MDGA1: variants seen among roughly 807,000 people sequenced by gnomAD.
MDGA1 encodes MAM domain containing glycosylphosphatidylinositol anchor 1.
MDGA1 carries 54 observed loss-of-function variants against 101.5 expected under a neutral mutation model. The observed-to-expected ratio is 0.53, with a 90% confidence interval of 0.43 to 0.67. The LOEUF is 0.67. MDGA1 is among the 30% of genes least tolerant of loss of function. The pLI is 0.00. For missense variants in MDGA1, 1,083 were observed against 1,323.8 expected (o/e 0.82, Z 2.82); for synonymous variants, 533 against 558.3 (o/e 0.95, Z 0.64).
In MDGA1 at chr6:37,656,978, C is replaced by T. The variant is rs138077808; in HGVS notation, c.383-1082G>A. Among the ~76,000 whole-genome samples the T allele has an allele frequency of 6.5e-4, 99 of 152,112 alleles. No individual in the cohort carries two copies. The East Asian group carries it at 0.018, about 28-fold the overall frequency. On this transcript the variant is annotated intron_variant, in intron 3 of 16. Transcript: ENST00000434837. ...AGAGCTCATTGATAGTGTCAAAAGT[C>T]AGAACAATGATTGCCTCCCAGGGGG...
intron 1 of MDGA1, among the ~76,000 whole-genome samples, chr6:37,672,744 T>C (rs1045131496): frequency 6.6e-6 from 1 of 152,168 alleles, no homozygotes; most frequent in Non-Finnish European, 1.5e-5. Flanking sequence ...CAGACAGTCA[T>C]TCAACAAGCC....
intron 2 of MDGA1, among the ~76,000 whole-genome samples, chr6:37,660,028 ATCTC>A (rs138953703): frequency 0.069 from 7,237 of 105,308 alleles, 341 homozygotes; most frequent in African/African-American, 0.14. Flanking sequence ...CTCAGTCTTT[ATCTC>A]TCTCTTTTTT....
At chr6:37,674,632 C>T (rs1056941055) in intron 1 of MDGA1, among the ~76,000 whole-genome samples, 2 of 152,222 alleles carry the variant, frequency 1.3e-5, no homozygotes, top group Non-Finnish European at 2.9e-5. Flanking sequence ...CTAATCTGCA[C>T]ACCCACTTAT....
chr6:37,684,518 G>T (rs1762158055), intron 1 of MDGA1, among the ~76,000 whole-genome samples: 1 of 152,212 alleles, frequency 6.6e-6, no homozygotes, highest in Non-Finnish European at 1.5e-5. Flanking sequence ...AGCCTGGGAG[G>T]TGACACAGGA....
rs142376852 is a variant in MDGA1, at chr6:37,635,306, C to T, written c.*2062G>A. ...ACACCAGGCTCACTTGTGCTGGGCA[C>T]GAGCGGGAGGTGGCGAAGGTGGAGG... On this transcript the variant is annotated 3_prime_UTR_variant, in exon 17 of 17. Transcript: ENST00000434837. 1.0e-5 allele frequency: 4 copies of T among 397,180 alleles called. No homozygotes were observed. Among genetic ancestry groups the T allele is most frequent in the East Asian group, 7.1e-5 (2 of 28,042 alleles). 24.6% of individuals were successfully genotyped at this position (397,180 alleles called of 1,614,324 possible).
intron 10 of MDGA1, 34 bp downstream of exon 10, chr6:37,647,139 C>T: frequency 6.4e-7 from 1 of 1,558,692 alleles, no homozygotes; most frequent in South Asian, 1.3e-5. Flanking sequence ...CCACACTCCA[C>T]CTGCCCCCAG....
chr6:37,668,501 C>T (rs569376208), intron 1 of MDGA1, among the ~76,000 whole-genome samples: 2 of 152,202 alleles, frequency 1.3e-5, no homozygotes, highest in South Asian at 2.1e-4. Context: ...ACAAGAACAA[C>T]CTATGTGTCA....
Position 37,696,922 on chromosome 6 carries a change from T to TGA in MDGA1, c.-113_-112dup. 1 of 878,030 alleles carries TGA rather than the reference T, an allele frequency of 1.1e-6. No homozygotes were observed. Among genetic ancestry groups the TGA allele is most frequent in the South Asian group, 1.4e-5 (1 of 69,714 alleles). The allele number at this position is 878,030 out of a possible 1,614,324, so 54.4% of individuals were successfully genotyped here. On this transcript the variant is annotated 5_prime_UTR_variant, in exon 1 of 17. Transcript: ENST00000434837. This position sits in a 1 kb window ranked among gnomAD's most constrained non-coding sequence, Gnocchi z 5.6. Reference sequence around the variant, plus strand: ...TATGTCCCCCCCTTTCCCTGAGAGGTGAGAGAGAGAGCGGCGACGAAGACC... The same window carrying TGA: ...TATGTCCCCCCCTTTCCCTGAGAGGTGAGAGAGAGAGAGCGGCGACGAAGACC...
At position 37,635,539 on chromosome 6, in the gene MDGA1, C is replaced by A; in HGVS notation, c.*1829G>T. 2.5e-6 allele frequency: 1 copy of A among 398,676 alleles called. No individual in the cohort carries two copies. Among genetic ancestry groups the A allele is most frequent in the Non-Finnish European group, 4.4e-6 (1 of 226,084 alleles). The allele number at this position is 398,676 out of a possible 1,614,324, so 24.7% of individuals were successfully genotyped here. A position where few individuals can be genotyped will look rare whatever the true frequency, so the allele number is the denominator to read the frequency against. On this transcript the variant is annotated 3_prime_UTR_variant, in exon 17 of 17. Transcript: ENST00000434837. ...ATCAGAAGGCCCCGCTGCATCCTGGCCCGGCCACCCACCAGCTGTTGGTGA... is the reference window on the plus strand; with the variant it reads ...ATCAGAAGGCCCCGCTGCATCCTGGACCGGCCACCCACCAGCTGTTGGTGA...
chr6:37,668,762 C>A (rs748638206), intron 1 of MDGA1, among the ~76,000 whole-genome samples: 3 of 152,200 alleles, frequency 2.0e-5, no homozygotes, highest in Non-Finnish European at 4.4e-5. Flanking sequence ...GTAACAGAGG[C>A]CTAACACCGA....
At position 37,648,624 on chromosome 6, in the gene MDGA1, G is replaced by T. The variant is rs575137860; in HGVS notation, c.1894+358C>A. ...GGAAGGCTATGTTTGAAAGCGGCGC[G>T]GTTGTCACACGCCCAGGAAGCGGGC... On this transcript the variant is annotated intron_variant, in intron 9 of 16. Transcript: ENST00000434837. 43 of 340,158 alleles carry T rather than the reference G, an allele frequency of 1.3e-4. 1 individual carries two copies. The South Asian group carries it at 2.7e-3, about 21-fold the overall frequency. 21.1% of individuals were successfully genotyped at this position (340,158 alleles called of 1,614,324 possible).
chr6:37,677,741 G>A (rs1363401056), intron 1 of MDGA1, among the ~76,000 whole-genome samples: 1 of 152,208 alleles, frequency 6.6e-6, no homozygotes, highest in Admixed American at 6.5e-5. Flanking sequence ...GCAAATCAAT[G>A]TTGCAGCTTG....
At chr6:37,660,032 CTCTCT>C (rs983560754) in intron 2 of MDGA1, among the ~76,000 whole-genome samples, 7 of 68,306 alleles carry the variant, frequency 1.0e-4, no homozygotes, top group African/African-American at 1.3e-4. Context: ...GTCTTTATCT[CTCTCT>C]TTTTTTTTTT....
chr6:37,683,335 G>A (rs1218050344), intron 1 of MDGA1, among the ~76,000 whole-genome samples: 7 of 152,360 alleles, frequency 4.6e-5, no homozygotes, highest in African/African-American at 1.7e-4. Context: ...ATGGAGGCTT[G>A]TACATGCAGC....
At chr6:37,654,235 C>T in intron 6 of MDGA1, 39 bp downstream of exon 6, 2 of 1,509,434 alleles carry the variant, frequency 1.3e-6, no homozygotes, top group Non-Finnish European at 1.8e-6. Context: ...ACCTTGTCTG[C>T]CTCACAACTT....
chr6:37,691,986 C>A (rs1199693190), intron 1 of MDGA1, among the ~76,000 whole-genome samples: 5 of 152,232 alleles, frequency 3.3e-5, no homozygotes, highest in African/African-American at 1.2e-4. Flanking sequence ...GAGATTACAG[C>A]AAGTGCGGCT....
chr6:37,658,244 C>A lies in MDGA1; in HGVS notation c.382+1G>T. ...CGGGGAGAGAGGGGGCCTCAACTCACACTGCACGTCCACGCGGATGGACTT... is the reference window on the plus strand; with the variant it reads ...CGGGGAGAGAGGGGGCCTCAACTCAAACTGCACGTCCACGCGGATGGACTT... On this transcript the variant is annotated splice_donor_variant, in intron 3 of 16. Coordinates refer to ENST00000434837, the MANE Select transcript of MDGA1 (RefSeq NM_153487.4). LOFTEE classifies it high-confidence loss of function. 1 of 1,585,354 alleles carries A rather than the reference C, an allele frequency of 6.3e-7. No individual in the cohort carries two copies. Among genetic ancestry groups the A allele is most frequent in the South Asian group, 1.1e-5 (1 of 87,474 alleles).
At chr6:37,659,047 C>T (rs549157358) in intron 2 of MDGA1, among the ~76,000 whole-genome samples, 12 of 151,952 alleles carry the variant, frequency 7.9e-5, no homozygotes, top group Middle Eastern at 6.9e-3. Flanking sequence ...GGTCCTGAGC[C>T]GCCCAATGGA....
chr6:37,659,408 A>T (rs1350874158), intron 2 of MDGA1, among the ~76,000 whole-genome samples: 1 of 152,208 alleles, frequency 6.6e-6, no homozygotes, highest in Admixed American at 6.5e-5. Context: ...TACATTAGTC[A>T]CTCAACAAAT....
Sources: gnomAD v4.1 joint callset for allele counts (sites outside exome capture counted in the v4.1 genomes callset) on GRCh38, gnomAD v4.1.1 for gene constraint, Gnocchi (gnomAD v3.1) non-coding constraint, MANE v1.5 for transcripts, NCBI Gene and HGNC (gene_info 2026-07-23, HGNC 2026-07-21) for gene names.